The following KIRREL1 variants were observed in gnomAD, a reference collection of about 807,000 sequenced individuals.
KIRREL1 encodes the protein kirre like nephrin family adhesion molecule 1, also known as kin of IRRE-like protein 1.
A neutral mutation model predicts 83.3 loss-of-function variants in KIRREL1; 25 were observed. The ratio of observed to expected loss-of-function variants is 0.30; its 90% confidence interval spans 0.22 to 0.42. The LOEUF (loss-of-function observed/expected upper bound fraction) is 0.42, where lower values mean the gene tolerates loss of function less well. Ranked by LOEUF, KIRREL1 falls within the 10% of genes least tolerant of loss-of-function variation. The pLI is 1.00. For synonymous variants in KIRREL1, 388 were observed against 410.4 expected (o/e 0.95, Z 0.66); for missense variants, 812 against 1,032.3 (o/e 0.79, Z 2.92).
At chr1:158,062,416 C>A (rs780067548) in intron 1 of KIRREL1, among the ~76,000 whole-genome samples, 2 of 152,244 alleles carry the variant, frequency 1.3e-5, no homozygotes, top group African/African-American at 4.8e-5. Flanking sequence ...GCCCCCTGTA[C>A]GTGTAGAATG....
chr1:158,054,481 C>T (rs1014544588), intron 1 of KIRREL1, among the ~76,000 whole-genome samples: 2 of 152,078 alleles, frequency 1.3e-5, no homozygotes, highest in Non-Finnish European at 2.9e-5. Context: ...TATGCCTGTA[C>T]CAGGAACTTG....
intron 1 of KIRREL1, 145 bp from the exon 2 acceptor site, chr1:158,075,968 G>A: frequency 1.4e-6 from 1 of 690,270 alleles, no homozygotes; most frequent in South Asian, 1.9e-5. Flanking sequence ...GAAACAAAGG[G>A]GTTGAGGCTG....
chr1:158,062,417 G>A (rs6685839), intron 1 of KIRREL1, among the ~76,000 whole-genome samples: 9,188 of 152,304 alleles, frequency 0.06, 393 homozygotes, highest in African/African-American at 0.12. Context: ...CCCCCTGTAC[G>A]TGTAGAATGA....
rs1392970442 is a variant in KIRREL1 at position 158,091,343 on chromosome 1, C to T, written c.1273-15C>T. Reference sequence around the variant, plus strand: ...CTGCCCCTTTCTTACCTTCTTCCTTCCCTCTCCACCACAGGCATGGGCCTG... The same window carrying T: ...CTGCCCCTTTCTTACCTTCTTCCTTTCCTCTCCACCACAGGCATGGGCCTG... On this transcript the variant is annotated splice_polypyrimidine_tract_variant and intron_variant, in intron 10 of 14. Coordinates refer to ENST00000359209, the MANE Select transcript of KIRREL1 (RefSeq NM_018240.7). 2 of 1,610,372 alleles carry T rather than the reference C, an allele frequency of 1.2e-6. No homozygotes were observed. The highest frequency in any genetic ancestry group is 2.2e-5 in the South Asian group (2 of 90,730).
At chr1:158,047,783 G>A (rs1660814200) in intron 1 of KIRREL1, among the ~76,000 whole-genome samples, 1 of 152,180 alleles carries the variant, frequency 6.6e-6, no homozygotes, top group Non-Finnish European at 1.5e-5. Flanking sequence ...CACCCTCCCA[G>A]AGCTGTGAAA....
chr1:158,086,578 A>C lies in KIRREL1; in HGVS notation c.511-18A>C. The C allele has an allele frequency of 1.3e-6, 2 of 1,551,330 alleles. No individual in the cohort carries two copies. Among genetic ancestry groups the C allele is most frequent in the Non-Finnish European group, 1.7e-6 (2 of 1,146,726 alleles). Reference sequence around the variant, plus strand: ...GGCTTTTAGCTTAACCATATCTCCCACCCTTGTCATGTTCCAGGAATTGCT... The same window carrying C: ...GGCTTTTAGCTTAACCATATCTCCCCCCCTTGTCATGTTCCAGGAATTGCT... On this transcript the variant is annotated intron_variant, in intron 4 of 14. Coordinates refer to ENST00000359209, the MANE Select transcript of KIRREL1 (RefSeq NM_018240.7).
intron 1 of KIRREL1, among the ~76,000 whole-genome samples, chr1:158,042,392 T>A (rs1271446915): frequency 6.6e-6 from 1 of 152,204 alleles, no homozygotes; most frequent in African/African-American, 2.4e-5. Flanking sequence ...GCAGCTAAGA[T>A]ATTTGGAAGA....
At chr1:158,026,922 G>A (rs1428806822) in intron 1 of KIRREL1, among the ~76,000 whole-genome samples, 1 of 152,124 alleles carries the variant, frequency 6.6e-6, no homozygotes, top group Non-Finnish European at 1.5e-5. Context: ...AATGTGTGGG[G>A]TTTTCCCTGC....
rs576124173 is a variant in KIRREL1, at chr1:158,006,861, G to A, written c.52+13133G>A. On this transcript the variant is annotated intron_variant, in intron 1 of 14. Coordinates refer to ENST00000359209, the MANE Select transcript of KIRREL1 (RefSeq NM_018240.7). ...GGCATGGGGGTGATGGCAGAGGTGG[G>A]CCTGCCTCACAGCCAGGGCCAGTTT... Among the ~76,000 whole-genome samples the A allele has an allele frequency of 5.4e-4, 83 of 152,350 alleles. 1 individual carries two copies. In the South Asian group the frequency reaches 0.017, roughly 32 times the overall value.
At chr1:158,060,968 G>A (rs552846403) in intron 1 of KIRREL1, among the ~76,000 whole-genome samples, 1 of 152,216 alleles carries the variant, frequency 6.6e-6, no homozygotes, top group South Asian at 2.1e-4. Context: ...AACTGCTCCT[G>A]TCCCCACCTT....
chr1:158,009,205 C>T (rs1055926254), intron 1 of KIRREL1, among the ~76,000 whole-genome samples: 25 of 152,270 alleles, frequency 1.6e-4, no homozygotes, highest in Middle Eastern at 3.4e-3. Flanking sequence ...CCCCGAGAAG[C>T]GGATGGGGGA....
At chr1:158,062,530 C>A (rs755168587) in intron 1 of KIRREL1, among the ~76,000 whole-genome samples, 3 of 152,242 alleles carry the variant, frequency 2.0e-5, no homozygotes, top group Non-Finnish European at 2.9e-5. Flanking sequence ...AGCGCCTTTG[C>A]AGGAAATATT....
chr1:158,074,692 T>A (rs12032505), intron 1 of KIRREL1, among the ~76,000 whole-genome samples: 15,364 of 151,932 alleles, frequency 0.1, 882 homozygotes, highest in African/African-American at 0.15. Context: ...GAGGGACATG[T>A]AGAGCAGGTT....
intron 1 of KIRREL1, among the ~76,000 whole-genome samples, chr1:158,072,508 G>A (rs546996256): frequency 2.0e-5 from 3 of 152,230 alleles, no homozygotes; most frequent in Admixed American, 6.5e-5. Flanking sequence ...GAAGTGAGAC[G>A]TGAGTAGGAA....
At chr1:158,055,063 T>C (rs1661015493) in intron 1 of KIRREL1, among the ~76,000 whole-genome samples, 1 of 152,104 alleles carries the variant, frequency 6.6e-6, no homozygotes, top group South Asian at 2.1e-4. Flanking sequence ...TGGATGAAAC[T>C]GGGACTTAGT....
At chr1:158,037,061 C>T (rs780731779) in intron 1 of KIRREL1, among the ~76,000 whole-genome samples, 3 of 152,300 alleles carry the variant, frequency 2.0e-5, no homozygotes, top group East Asian at 1.9e-4. Flanking sequence ...AAAGAAATCC[C>T]AGAGGCTGCT....
intron 1 of KIRREL1, among the ~76,000 whole-genome samples, chr1:158,073,191 TA>T (rs1479990339): frequency 6.6e-6 from 1 of 152,094 alleles, no homozygotes; most frequent in African/African-American, 2.4e-5. Flanking sequence ...TCCATCCAAT[TA>T]AATTCCCGAG....
At chr1:158,074,616 C>T (rs1469231456) in intron 1 of KIRREL1, among the ~76,000 whole-genome samples, 5 of 152,092 alleles carry the variant, frequency 3.3e-5, no homozygotes, top group Non-Finnish European at 7.4e-5. Flanking sequence ...ACAGCAGGGC[C>T]GAGTGACGCG....
intron 1 of KIRREL1, among the ~76,000 whole-genome samples, chr1:158,034,275 AAAAAAAAAAAAG>A (rs561814611): frequency 0.065 from 9,695 of 149,260 alleles, 367 homozygotes; most frequent in South Asian, 0.2. Context: ...GTCTCAAAAA[AAAAAAAAAAAAG>A]AAAAAAAGAA....
Sources: gnomAD v4.1 joint callset for allele counts (sites outside exome capture counted in the v4.1 genomes callset) on GRCh38, gnomAD v4.1.1 for gene constraint, MANE v1.5 for transcripts, NCBI Gene and HGNC (gene_info 2026-07-23, HGNC 2026-07-21) for gene names.